The following CLIP1 variants were observed in gnomAD, a reference collection of about 807,000 sequenced individuals.
The protein encoded by CLIP1 is CAP-Gly domain containing linker protein 1, also known as CAP-Gly domain-containing linker protein 1.
Under a neutral mutation model 161.6 loss-of-function variants are expected in CLIP1, and 66 were observed. That is an observed-to-expected ratio of 0.41 (90% CI 0.33 to 0.50). The LOEUF (loss-of-function observed/expected upper bound fraction) is 0.50, where lower values mean the gene tolerates loss of function less well. Ranked by LOEUF, CLIP1 falls within the 20% of genes least tolerant of loss-of-function variation. CLIP1 has a pLI of 0.27. For synonymous variants in CLIP1, 598 were observed against 626.2 expected, an observed-to-expected ratio of 0.96 and a Z score of 0.67; for missense variants, 1,376 against 1,702.0, an observed-to-expected ratio of 0.81 and a Z score of 3.37.
intron 7 of CLIP1, among the ~76,000 whole-genome samples, 167 bp from the exon 8 acceptor site, chr12:122,352,953 A>G (rs944984822): frequency 2.0e-5 from 3 of 151,788 alleles, no homozygotes; most frequent in Non-Finnish European, 4.4e-5. Flanking sequence ...CAGGAGTTTG[A>G]GACCAGCTGG....
chr12:122,310,133 C>A (rs983012238), intron 19 of CLIP1, among the ~76,000 whole-genome samples: 2 of 151,962 alleles, frequency 1.3e-5, no homozygotes, highest in Non-Finnish European at 2.9e-5. Flanking sequence ...CCTCCCACCA[C>A]CCAAACTTAC....
At position 122,384,401 on chromosome 12, in the gene CLIP1, G is replaced by C. The variant is rs937496721; in HGVS notation, c.-106-3843C>G. On this transcript the variant is annotated intron_variant, in intron 1 of 25. Transcript: ENST00000620786. ...GAAGGTAGGTGTGCAATTACCATTA[G>C]TCCAATCAGGAATAAAGAGAATGAC... is the stretch of plus-strand genomic sequence containing the variant. 1.1e-4 allele frequency among the ~76,000 whole-genome samples: 17 copies of C among 152,142 alleles called. 1 individual carries two copies. The highest frequency in any genetic ancestry group is 3.9e-4 in the African/African-American group (16 of 41,432).
intron 4 of CLIP1, among the ~76,000 whole-genome samples, chr12:122,363,566 C>A (rs773882103): frequency 5.3e-5 from 8 of 152,056 alleles, no homozygotes; most frequent in South Asian, 4.2e-4. Context: ...GTTCTCCTGC[C>A]GCAGGATGGA....
In CLIP1 at chr12:122,278,849, C is replaced by T; in HGVS notation, c.3859G>A (p.Val1287Ile). 2 of 1,612,362 alleles carry T rather than the reference C, an allele frequency of 1.2e-6. No individual in the cohort carries two copies. Among genetic ancestry groups the T allele is most frequent in the Non-Finnish European group, 1.7e-6 (2 of 1,179,490 alleles). The change falls in exon 23 of 26, where the codon GTA (valine) becomes ATA (isoleucine). Residue 1287 changes from valine to isoleucine, a missense_variant. Around this residue, in one of 6 missense-constraint regions of CLIP1, gnomAD observed 948 missense variants for 1,134.8 expected, o/e 0.84. Transcript: ENST00000620786. ...TTGAGTTGAAGCTCCAAGTTCTTTACCTTGAGCTCGAGCTTCACCTTATCA... is the reference window on the plus strand; with the variant it reads ...TTGAGTTGAAGCTCCAAGTTCTTTATCTTGAGCTCGAGCTTCACCTTATCA... ...ESDKVKLELK[V>I]KNLELQLKEN...
intron 15 of CLIP1, among the ~76,000 whole-genome samples, chr12:122,329,840 G>A (rs1298997571): frequency 4.0e-5 from 6 of 151,886 alleles, no homozygotes; most frequent in Admixed American, 6.6e-5. Flanking sequence ...ATGGGGGGCC[G>A]GGTGCGTTGG....
At chr12:122,284,770 T>A (rs1252231530) in intron 21 of CLIP1, among the ~76,000 whole-genome samples, 5 of 152,170 alleles carry the variant, frequency 3.3e-5, no homozygotes, top group African/African-American at 9.7e-5. Flanking sequence ...ATCTCTTTTT[T>A]AAAAAGATAC....
At chr12:122,361,543 C>T (rs541245813) in intron 4 of CLIP1, among the ~76,000 whole-genome samples, 1 of 152,324 alleles carries the variant, frequency 6.6e-6, no homozygotes, top group Non-Finnish European at 1.5e-5. Flanking sequence ...GGAAATCAAA[C>T]AGGCACCTAA....
At chr12:122,365,238 TAATAA>T in intron 3 of CLIP1, 2 of 525,514 alleles carry the variant, frequency 3.8e-6, no homozygotes, top group East Asian at 3.1e-5. Flanking sequence ...AGTATAATAA[TAATAA>T]AATAAAAATA....
intron 9 of CLIP1, 83 bp from the exon 10 acceptor site, chr12:122,347,562 G>A (rs1952809594): frequency 9.7e-7 from 1 of 1,033,456 alleles, no homozygotes; most frequent in Non-Finnish European, 1.5e-6. Context: ...CGGCATGCAG[G>A]CTGAGCCACC....
chr12:122,279,751 AC>A lies in CLIP1; in HGVS notation c.3648-607del, dbSNP rs1955570907. ...TTTCCAGCCATAGACTCTGAAGAGG[AC>A]ATTAAATTAGCTCATAGAAATTAAT... On this transcript the variant is annotated intron_variant, in intron 21 of 25. Coordinates refer to ENST00000620786, the MANE Select transcript of CLIP1 (RefSeq NM_001247997.2). The surrounding 1 kb of genome is among the most constrained non-coding windows in gnomAD (Gnocchi z 4.5). The A allele has an allele frequency of 1.3e-5, 2 of 152,240 alleles. No homozygotes were observed. Among genetic ancestry groups the A allele is most frequent in the Non-Finnish European group, 2.9e-5 (2 of 68,058 alleles). 9.4% of individuals were successfully genotyped at this position (152,240 alleles called of 1,614,324 possible). A position where few individuals can be genotyped will look rare whatever the true frequency, so the allele number is the denominator to read the frequency against.
intron 1 of CLIP1, among the ~76,000 whole-genome samples, chr12:122,388,755 T>G (rs1955447089): frequency 6.6e-6 from 1 of 152,032 alleles, no homozygotes; most frequent in South Asian, 2.1e-4. Context: ...ATTTCTTTTT[T>G]GTAGAGACTG....
chr12:122,284,514 G>A (rs558427831), intron 21 of CLIP1, among the ~76,000 whole-genome samples: 13 of 151,794 alleles, frequency 8.6e-5, no homozygotes, highest in Admixed American at 3.3e-4. Context: ...CACCGTGCCC[G>A]GCTATTTTTG....
intron 20 of CLIP1, among the ~76,000 whole-genome samples, chr12:122,292,676 TA>T (rs1017130611): frequency 6.6e-6 from 1 of 152,132 alleles, no homozygotes; most frequent in African/African-American, 2.4e-5. Flanking sequence ...GACCAAAACT[TA>T]AAACTTCTAC....
chr12:122,330,855 C>A (rs776844232), intron 15 of CLIP1, among the ~76,000 whole-genome samples: 1 of 151,862 alleles, frequency 6.6e-6, no homozygotes, highest in African/African-American at 2.4e-5. Context: ...CCTGCCTCAG[C>A]CTCCCAAAGT....
chr12:122,296,811 C>G (rs1436146168), intron 20 of CLIP1, among the ~76,000 whole-genome samples: 1 of 137,980 alleles, frequency 7.2e-6, no homozygotes, highest in Non-Finnish European at 1.5e-5. Context: ...TTTCAGTAAG[C>G]TATGATCATG....
intron 3 of CLIP1, among the ~76,000 whole-genome samples, chr12:122,375,387 G>A (rs1246024855): frequency 2.0e-5 from 3 of 151,044 alleles, no homozygotes; most frequent in Admixed American, 2.0e-4. Context: ...CGCAAACTCA[G>A]TTCACTGCAA....
At chr12:122,357,575 C>T (rs1173598650) in intron 5 of CLIP1, among the ~76,000 whole-genome samples, 2 of 139,712 alleles carry the variant, frequency 1.4e-5, no homozygotes, top group African/African-American at 3.0e-5. Context: ...TCAGCCCCCC[C>T]CGCCCGGCCA....
At chr12:122,352,276 C>T (rs1593136596) in intron 8 of CLIP1, among the ~76,000 whole-genome samples, 1 of 152,086 alleles carries the variant, frequency 6.6e-6, no homozygotes, top group Non-Finnish European at 1.5e-5. Context: ...AGGCTGGTTT[C>T]GAACTCCTGA....
At chr12:122,306,090 A>C (rs1468049945) in intron 20 of CLIP1, among the ~76,000 whole-genome samples, 1 of 150,448 alleles carries the variant, frequency 6.6e-6, no homozygotes, top group Admixed American at 6.7e-5. Context: ...ACGTGAAAAG[A>C]CTAGACTGGT....
Sources: allele counts gnomAD v4.1 joint callset (sites outside exome capture counted in the v4.1 genomes callset), GRCh38; gene constraint gnomAD v4.1.1; regional missense constraint gnomAD v4.1.1; non-coding constraint Gnocchi (gnomAD v3.1); transcripts MANE v1.5; gene names NCBI Gene and HGNC (gene_info 2026-07-23, HGNC 2026-07-21).